Variants in DRC1 observed in about 807,000 individuals in gnomAD.
The protein encoded by DRC1 is dynein regulatory complex subunit 1, also known as dynein regulatory complex protein 1.
In DRC1, 74 loss-of-function variants were observed where a neutral mutation model predicts 98.7. That is an observed-to-expected ratio of 0.75 (90% confidence interval 0.62 to 0.91). DRC1 has a LOEUF of 0.91. Among genes scored for constraint, DRC1 ranks in the 40% least tolerant of loss-of-function variants. The pLI is 0.00. For synonymous variants in DRC1, 336 were observed against 334.1 expected (o/e 1.01, Z -0.06); for missense variants, 875 against 886.0 (o/e 0.99, Z 0.16).
At chr2:26,403,098 C>A (rs774012141) in intron 1 of DRC1, among the ~76,000 whole-genome samples, 2 of 152,148 alleles carry the variant, frequency 1.3e-5, no homozygotes, top group Non-Finnish European at 2.9e-5. Context: ...ACAAAATAGC[C>A]TTCTTTTGAT....
chr2:26,435,875 T>C (rs1289581579), intron 7 of DRC1, among the ~76,000 whole-genome samples: 1 of 152,152 alleles, frequency 6.6e-6, no homozygotes, highest in African/African-American at 2.4e-5. Context: ...GGCATCTAGG[T>C]TGATTCCATG....
intron 2 of DRC1, 116 bp from the exon 3 acceptor site, chr2:26,421,172 G>T (rs1481067895): frequency 3.8e-6 from 3 of 792,610 alleles, no homozygotes; most frequent in Non-Finnish European, 5.8e-6. Flanking sequence ...TAAGGTAGTT[G>T]CTGCTTCCTG....
In DRC1 at chr2:26,444,309, C is replaced by G. The variant is rs1663794265; in HGVS notation, c.1116C>G (p.Asp372Glu). ...FQEENQSLTS[D>E]YKRLVMQFKE... The stretch of plus-strand genomic sequence containing the variant: ...AGGAGAACCAGTCTCTAACCTCGGA[C>G]TACAAACGTCTTGTGATGCAATTCA... Residue 372 changes from aspartate to glutamate, a missense_variant, in exon 9 of 17, where the codon GAC becomes GAG. Physicochemically the swap from Asp to Glu is conservative, Grantham distance 45. Coordinates refer to ENST00000288710, the MANE Select transcript of DRC1 (RefSeq NM_145038.5). The G allele has an allele frequency of 6.8e-6, 11 of 1,614,094 alleles. No homozygotes were observed. The highest frequency in any genetic ancestry group is 1.3e-5 in the African/African-American group (1 of 74,944).
intron 11 of DRC1, among the ~76,000 whole-genome samples, chr2:26,449,605 C>T (rs1174352413): frequency 1.3e-5 from 2 of 152,250 alleles, no homozygotes; most frequent in Non-Finnish European, 2.9e-5. Flanking sequence ...CCCTGTCCTG[C>T]TGCTGTGTTC....
At chr2:26,456,353 T>G in intron 16 of DRC1, 108 bp from the exon 17 acceptor site, 1 of 1,348,664 alleles carries the variant, frequency 7.4e-7, no homozygotes. Flanking sequence ...GGAGAGGAGA[T>G]GCGTGCAGGG....
intron 5 of DRC1, 57 bp from the exon 6 acceptor site, chr2:26,430,729 T>G (rs1416258813): frequency 6.4e-7 from 1 of 1,573,340 alleles, no homozygotes; most frequent in Non-Finnish European, 8.7e-7. Flanking sequence ...TCTTTGACAC[T>G]GGTGGGACCT....
At chr2:26,447,506 C>T (rs949511977) in intron 10 of DRC1, among the ~76,000 whole-genome samples, 2 of 152,082 alleles carry the variant, frequency 1.3e-5, no homozygotes, top group Non-Finnish European at 1.5e-5. Context: ...ATTTTTGTTT[C>T]GTTTTGCTTT....
At chr2:26,430,930 C>A in intron 6 of DRC1, 58 bp downstream of exon 6, 2 of 1,144,034 alleles carry the variant, frequency 1.7e-6, no homozygotes, top group Non-Finnish European at 2.5e-6. Context: ...TTTATTGTGA[C>A]TGAATTTGCT....
intron 2 of DRC1, among the ~76,000 whole-genome samples, chr2:26,419,902 GAC>G (rs1214511223): frequency 6.6e-6 from 1 of 152,194 alleles, no homozygotes; most frequent in African/African-American, 2.4e-5. Flanking sequence ...CCATTAAGGA[GAC>G]AGCAGTGCAG....
Position 26,430,781 on chromosome 2 carries a change from C to A in DRC1, c.679-5C>A. ...TGCAAGAGTGTTTTTCCTTCTTGGTCGTAGAAAGCATTTGAGGTGGAACGC... is the reference window on the plus strand; with the variant it reads ...TGCAAGAGTGTTTTTCCTTCTTGGTAGTAGAAAGCATTTGAGGTGGAACGC... On this transcript the variant is annotated splice_polypyrimidine_tract_variant and splice_region_variant and intron_variant, in intron 5 of 16. Transcript: ENST00000288710. 6.2e-7 allele frequency: 1 copy of A among 1,613,680 alleles called. No individual in the cohort carries two copies. The highest frequency in any genetic ancestry group is 1.1e-5 in the South Asian group (1 of 91,018).
Position 26,454,670 on chromosome 2 carries a change from T to C in DRC1, c.1943T>C (p.Val648Ala). ...KPRDSRAPLR[V>A]QKNVRDNSKD... The stretch of plus-strand genomic sequence containing the variant: ...AGGGACTCGCGGGCCCCGCTGAGGG[T>C]ACAGAAGAATGTGCGTGACAACTCC... The change falls in exon 15 of 17, where the codon GTA becomes GCA. Residue 648 changes from valine (V) to alanine (A), a missense_variant. Coordinates refer to ENST00000288710, the MANE Select transcript of DRC1 (RefSeq NM_145038.5). The surrounding 1 kb of genome is among the most constrained non-coding windows in gnomAD (Gnocchi z 5.2). The C allele has an allele frequency of 1.2e-6, 2 of 1,613,846 alleles. No homozygotes were observed. The highest frequency in any genetic ancestry group is 1.7e-6 in the Non-Finnish European group (2 of 1,179,966).
At chr2:26,412,772 T>TTTTTTG (rs1466699612) in intron 1 of DRC1, among the ~76,000 whole-genome samples, 3 of 152,108 alleles carry the variant, frequency 2.0e-5, no homozygotes, top group East Asian at 3.9e-4. Flanking sequence ...TATAAGCCTG[T>TTTTTTG]TTTTTGTTTT....
chr2:26,436,407 G>T (rs1356738368), intron 7 of DRC1, among the ~76,000 whole-genome samples: 6 of 152,126 alleles, frequency 3.9e-5, no homozygotes, highest in East Asian at 1.9e-4. Flanking sequence ...TTCCCAGCAG[G>T]CTCAAGCAAA....
intron 8 of DRC1, among the ~76,000 whole-genome samples, chr2:26,440,725 C>T (rs1663696994): frequency 6.6e-6 from 1 of 152,182 alleles, no homozygotes; most frequent in Admixed American, 6.5e-5. Flanking sequence ...TCATCTTGTT[C>T]CTCTTTCCTA....
Position 26,450,084 on chromosome 2 carries a change from C to T in DRC1, c.1598C>T (p.Ser533Phe), listed in dbSNP as rs752379921. ...CTGCTGAGGCTGGATGCCATCTTCT[C>T]CGTGAGTCCAACGGGGCTGGGAGGA... Reference protein sequence around the residue: ...CYLLRLDAIFSALGIESEDDL... With the variant: ...CYLLRLDAIFFALGIESEDDL... The change falls in exon 12 of 17, where the codon TCC becomes TTC. Residue 533 changes from serine (S) to phenylalanine (F), a missense_variant and splice_region_variant. Physicochemically the swap from Ser to Phe is radical, Grantham distance 155. Transcript: ENST00000288710. 3.8e-5 allele frequency: 62 copies of T among 1,612,498 alleles called. No homozygotes were observed. The East Asian group carries it at 1.3e-3, about 33-fold the overall frequency.
intron 2 of DRC1, among the ~76,000 whole-genome samples, chr2:26,420,333 G>C (rs932926808): frequency 6.6e-6 from 1 of 152,114 alleles, no homozygotes; most frequent in African/African-American, 2.4e-5. Context: ...GTTACTAAAA[G>C]GAGAGGGAGA....
At chr2:26,445,943 C>T (rs1321507659) in intron 10 of DRC1, among the ~76,000 whole-genome samples, 1 of 152,106 alleles carries the variant, frequency 6.6e-6, no homozygotes, top group Non-Finnish European at 1.5e-5. Flanking sequence ...CAAGTGTGAG[C>T]CACCACGCTT....
At chr2:26,441,588 G>A (rs1026987159) in intron 8 of DRC1, among the ~76,000 whole-genome samples, 1 of 152,152 alleles carries the variant, frequency 6.6e-6, no homozygotes, top group Non-Finnish European at 1.5e-5. Context: ...ACTGGAGGGG[G>A]TGGGGACATG....
At chr2:26,406,813 CTTTTTTTTTTT>C (rs5830010) in intron 1 of DRC1, among the ~76,000 whole-genome samples, 1 of 101,600 alleles carries the variant, frequency 9.8e-6, no homozygotes. Flanking sequence ...TGTCACTTTC[CTTTTTTTTTTT>C]TTTTTTTTTT....
Sources: gnomAD v4.1 joint callset for allele counts (sites outside exome capture counted in the v4.1 genomes callset) on GRCh38, gnomAD v4.1.1 for gene constraint, Gnocchi (gnomAD v3.1) non-coding constraint, MANE v1.5 for transcripts, NCBI Gene and HGNC (gene_info 2026-07-23, HGNC 2026-07-21) for gene names.